MOV10L1: variants seen among roughly 807,000 people sequenced by gnomAD.
MOV10L1 encodes the protein RNA helicase Mov10l1.
In MOV10L1, 110 loss-of-function variants were observed where a neutral mutation model predicts 143.8. The ratio of observed to expected loss-of-function variants is 0.76; its 90% CI spans 0.66 to 0.90. MOV10L1 has a LOEUF of 0.90. MOV10L1 is among the 40% of genes least tolerant of loss of function. The pLI, the probability that MOV10L1 is intolerant of heterozygous loss-of-function variation, is 0.00. For missense variants in MOV10L1, 1,406 were observed against 1,526.8 expected (o/e 0.92, Z 1.32); for synonymous variants, 593 against 581.1 (o/e 1.02, Z -0.29).
chr22:50,147,764 A>G (rs1348664600), intron 19 of MOV10L1, among the ~76,000 whole-genome samples: 2 of 152,262 alleles, frequency 1.3e-5, no homozygotes, highest in Admixed American at 1.3e-4. Flanking sequence ...AAATACTTAC[A>G]TTCTAGGAAA....
chr22:50,108,727 T>C lies in MOV10L1; in HGVS notation c.626T>C (p.Leu209Ser), dbSNP rs1372778421. 1 of 1,614,172 alleles carries C rather than the reference T, an allele frequency of 6.2e-7. No homozygotes were observed. The highest frequency in any genetic ancestry group is 8.5e-7 in the Non-Finnish European group (1 of 1,180,022). Residue 209 changes from leucine to serine, a missense_variant, in exon 5 of 27, where the codon TTG becomes TCG. Around this residue, in one of 3 missense-constraint regions of MOV10L1, gnomAD observed 1,233 missense variants for 1,351.4 expected, o/e 0.91. Coordinates refer to ENST00000262794, the MANE Select transcript of MOV10L1 (RefSeq NM_018995.3). The stretch of plus-strand genomic sequence containing the variant: ...AGCATCTTCTTTACCTTGGACTCCT[T>C]GAAACTGCCAGATGGGTACACACCC... ...EESIFFTLDS[L>S]KLPDGYTPRR...
In MOV10L1 at chr22:50,144,223, G is replaced by T. The variant is rs775159351; in HGVS notation, c.2485G>T (p.Ala829Ser). The part of the protein sequence containing the change: ...LQPATMVRVN[A>S]TCRFEEIVID... ...GCCGGCCACCATGGTCCGGGTGAACGCCACCTGCAGGTTCGAGGAGGTGAG... is the reference window on the plus strand; with the variant it reads ...GCCGGCCACCATGGTCCGGGTGAACTCCACCTGCAGGTTCGAGGAGGTGAG... The change falls in exon 18 of 27, where the codon GCC becomes TCC. Residue 829 changes from alanine to serine, a missense_variant. Physicochemically the swap from Ala to Ser is moderately conservative, Grantham distance 99. Coordinates refer to ENST00000262794, the MANE Select transcript of MOV10L1 (RefSeq NM_018995.3). 6.8e-6 allele frequency: 11 copies of T among 1,606,998 alleles called. No individual in the cohort carries two copies. The highest frequency in any genetic ancestry group is 9.4e-6 in the Non-Finnish European group (11 of 1,174,758).
chr22:50,131,053 C>T (rs910086223), intron 13 of MOV10L1, among the ~76,000 whole-genome samples: 4 of 145,072 alleles, frequency 2.8e-5, no homozygotes, highest in Admixed American at 1.4e-4. Context: ...CCCACCACCA[C>T]GCCCGGCTAA....
At chr22:50,110,515 T>C (rs966727834) in intron 5 of MOV10L1, among the ~76,000 whole-genome samples, 3 of 152,128 alleles carry the variant, frequency 2.0e-5, no homozygotes, top group Admixed American at 6.5e-5. Flanking sequence ...AAGGTGGAGT[T>C]AGGGGTCGCT....
At position 50,144,803 on chromosome 22, in the gene MOV10L1, G is replaced by C. The variant is rs6010191; in HGVS notation, c.2505+560G>C. Among the ~76,000 whole-genome samples, 44 of 152,014 alleles carry C rather than the reference G, an allele frequency of 2.9e-4. No homozygotes were observed. In the South Asian group the frequency reaches 4.8e-3, roughly 16 times the overall value. Reference sequence around the variant, plus strand: ...TCACCGTGTTAGCCAGGATGGTCTCGATCTCCTGACCTCATGATCTGCCCG... The same window carrying C: ...TCACCGTGTTAGCCAGGATGGTCTCCATCTCCTGACCTCATGATCTGCCCG... On this transcript the variant is annotated intron_variant, in intron 18 of 26. Coordinates refer to ENST00000262794, the MANE Select transcript of MOV10L1 (RefSeq NM_018995.3).
intron 7 of MOV10L1, 44 bp downstream of exon 7, chr22:50,114,666 G>A (rs1166950490): frequency 1.2e-6 from 2 of 1,600,470 alleles, no homozygotes; most frequent in African/African-American, 1.3e-5. Flanking sequence ...CGGGTGGGCT[G>A]GGGGCCGTGG....
chr22:50,120,480 C>T (rs769041072), intron 9 of MOV10L1, 22 bp from the exon 10 acceptor site: 1 of 1,475,512 alleles, frequency 6.8e-7, no homozygotes, highest in Non-Finnish European at 9.5e-7. Flanking sequence ...TTATTTTTAA[C>T]TTGTGAACTT....
chr22:50,111,486 C>CTTTTTTTTT (rs529438045), intron 5 of MOV10L1, among the ~76,000 whole-genome samples: 4 of 59,148 alleles, frequency 6.8e-5, no homozygotes, highest in South Asian at 5.6e-4. Flanking sequence ...TCTGTCTTTG[C>CTTTTTTTTT]TTTTTTTTTT....
At chr22:50,118,401 T>A (rs1490242829) in intron 9 of MOV10L1, among the ~76,000 whole-genome samples, 1 of 152,186 alleles carries the variant, frequency 6.6e-6, no homozygotes, top group African/African-American at 2.4e-5. Context: ...AATCACTCAG[T>A]AAGCGAATAA....
intron 1 of MOV10L1, chr22:50,090,435 C>CT: frequency 6.3e-7 from 1 of 1,599,638 alleles, no homozygotes; most frequent in Non-Finnish European, 8.5e-7. Context: ...CCCGCCCTCA[C>CT]TTTGTGTGTT....
intron 22 of MOV10L1, among the ~76,000 whole-genome samples, chr22:50,156,512 A>G (rs1451673256): frequency 6.6e-6 from 1 of 152,242 alleles, no homozygotes; most frequent in African/African-American, 2.4e-5. Flanking sequence ...TTCTATACCC[A>G]TGAAACAGTA....
rs369557964 is a variant in MOV10L1, at chr22:50,115,120, G to T, written c.1133G>T (p.Cys378Phe). The T allele has an allele frequency of 1.9e-5, 30 of 1,570,470 alleles. No homozygotes were observed. Among genetic ancestry groups the T allele is most frequent in the Middle Eastern group, 3.3e-4 (2 of 5,974 alleles). Reference sequence around the variant, plus strand: ...TTAAAATTTTATTTCCCAGGTGATTGTACCTGTAAAGGAGAAAATGGAGAA... The same window carrying T: ...TTAAAATTTTATTTCCCAGGTGATTTTACCTGTAAAGGAGAAAATGGAGAA... ...VNNRGISPGD[C>F]TCKGENGEKD... is the part of the protein sequence containing the mutation. The change falls in exon 8 of 27, where the codon TGT becomes TTT. Residue 378 changes from cysteine to phenylalanine, a missense_variant. Physicochemically the swap from Cys to Phe is radical, Grantham distance 205 (BLOSUM62 -2). This residue lies in a region of MOV10L1 where 1,233 missense variants were observed against 1,351.4 expected (regional missense o/e 0.91). Transcript: ENST00000262794.
chr22:50,109,686 AAAAAAAT>A, intron 5 of MOV10L1: 3 of 225,146 alleles, frequency 1.3e-5, no homozygotes, highest in South Asian at 5.4e-5. Context: ...AAAAAAAAAA[AAAAAAAT>A]TAGCCGAGCA....
In MOV10L1 at chr22:50,090,027, C is replaced by A. The variant is rs878886147; in HGVS notation, c.-62C>A. The A allele has an allele frequency of 2.3e-5, 26 of 1,146,106 alleles. 1 individual carries two copies. The highest frequency in any genetic ancestry group is 3.6e-4 in the Middle Eastern group (1 of 2,780). 71.0% of individuals were successfully genotyped at this position (1,146,106 alleles called of 1,614,324 possible). On this transcript the variant is annotated 5_prime_UTR_variant, in exon 1 of 27. Coordinates refer to ENST00000262794, the MANE Select transcript of MOV10L1 (RefSeq NM_018995.3). ...CCCCATTGGTGGCGGGCGGCGGGAG[C>A]GGCGCGGGCGCGTGCGGGCGGCGGC...
intron 3 of MOV10L1, among the ~76,000 whole-genome samples, chr22:50,102,762 G>A (rs1226407165): frequency 8.5e-5 from 13 of 152,136 alleles, no homozygotes; most frequent in African/African-American, 2.4e-4. Context: ...TTAGCTGGGC[G>A]TGGTGGTGCA....
In MOV10L1 at chr22:50,159,609, A is replaced by T; in HGVS notation, c.3217-69A>T. 1 of 1,156,974 alleles carries T rather than the reference A, an allele frequency of 8.6e-7. No individual in the cohort carries two copies. Among genetic ancestry groups the T allele is most frequent in the Non-Finnish European group, 1.2e-6 (1 of 804,348 alleles). 71.7% of individuals were successfully genotyped at this position (1,156,974 alleles called of 1,614,324 possible). The stretch of plus-strand genomic sequence containing the variant: ...AGAGTAATACTCCATCTCAAAAAAA[A>T]AAAAGGAAAAGAAAAGAAATGGATT... On this transcript the variant is annotated intron_variant, in intron 23 of 26. Coordinates refer to ENST00000262794, the MANE Select transcript of MOV10L1 (RefSeq NM_018995.3). The surrounding 1 kb of genome is among the most constrained non-coding windows in gnomAD (Gnocchi z 4.1).
Position 50,149,694 on chromosome 22 carries a change from A to G in MOV10L1, c.2707A>G (p.Met903Val). ...GGAATGCCTCATTCCTCTGGGGCTG[A>G]TGTCGGACATCAGTGGCCAGGTAAG... ...EPECLIPLGL[M>V]SDISGQIVLA... The change falls in exon 20 of 27, where the codon ATG becomes GTG. Residue 903 changes from methionine to valine, a missense_variant. Physicochemically the swap from Met to Val is conservative, Grantham distance 21. Transcript: ENST00000262794. The G allele has an allele frequency of 1.2e-6, 2 of 1,613,872 alleles. No homozygotes were observed. The highest frequency in any genetic ancestry group is 1.7e-6 in the Non-Finnish European group (2 of 1,179,864).
intron 12 of MOV10L1, among the ~76,000 whole-genome samples, chr22:50,127,440 G>A (rs2062542602): frequency 6.6e-6 from 1 of 152,214 alleles, no homozygotes; most frequent in African/African-American, 2.4e-5. Flanking sequence ...CCTGTGTATA[G>A]TCAGGACTTG....
At chr22:50,149,467 G>A (rs1165125541) in intron 19 of MOV10L1, 148 bp from the exon 20 acceptor site, 3 of 661,480 alleles carry the variant, frequency 4.5e-6, no homozygotes, top group Non-Finnish European at 7.8e-6. Flanking sequence ...CCTCCAGCCG[G>A]GTGACACCCA....
Sources: gnomAD v4.1 joint callset for allele counts (sites outside exome capture counted in the v4.1 genomes callset) on GRCh38, gnomAD v4.1.1 for gene constraint, gnomAD v4.1.1 regional missense constraint, Gnocchi (gnomAD v3.1) non-coding constraint, MANE v1.5 for transcripts, NCBI Gene and HGNC (gene_info 2026-07-23, HGNC 2026-07-21) for gene names.